ZNF577: variants seen among roughly 807,000 people sequenced by gnomAD.
ZNF577 encodes the protein zinc finger protein 577.
Under a neutral mutation model 13.9 loss-of-function variants are expected in ZNF577, and 14 were observed. That is an observed-to-expected ratio of 1.00 (90% confidence interval 0.66 to 1.57). ZNF577 has a LOEUF of 1.57. Among genes scored for constraint, ZNF577 ranks in the 40% most tolerant of loss-of-function variants. ZNF577 has a pLI of 0.00. For missense variants in ZNF577, 555 were observed against 579.2 expected (o/e 0.96, Z 0.43); for synonymous variants, 203 against 202.9 (o/e 1.00, Z 0.00).
chr19:51,855,232 T>C (rs2084405797), intron 5 of ZNF577, among the ~76,000 whole-genome samples: 1 of 152,210 alleles, frequency 6.6e-6, no homozygotes, highest in Non-Finnish European at 1.5e-5. Context: ...TTGCAGTTTG[T>C]TCAGTGGCAT....
chr19:51,815,567 TA>T (rs71180419), intron 9 of ZNF577, among the ~76,000 whole-genome samples: 4 of 143,928 alleles, frequency 2.8e-5, no homozygotes, highest in Non-Finnish European at 3.0e-5. Context: ...AGACTCTGTC[TA>T]AAAAAAAAAA....
intron 1 of ZNF577, chr19:51,886,221 C>T (rs1456775266): frequency 6.6e-6 from 1 of 151,822 alleles, no homozygotes; most frequent in African/African-American, 2.4e-5. Flanking sequence ...CTTAAGAGAC[C>T]AATTTCTCTT....
At chr19:51,825,427 A>G (rs1206910146) in intron 9 of ZNF577, 2 of 166,762 alleles carry the variant, frequency 1.2e-5, no homozygotes, top group African/African-American at 2.4e-5. Context: ...AGTGTATAGG[A>G]TGGGATCCTC....
At chr19:51,860,829 A>C (rs2084489949) in intron 5 of ZNF577, 1 of 326,594 alleles carries the variant, frequency 3.1e-6, no homozygotes, top group South Asian at 2.4e-5. Flanking sequence ...TCACAATCAC[A>C]TTCACTGTAT....
At chr19:51,864,722 G>A (rs2122618856), downstream of ZNF577, among the ~76,000 whole-genome samples, 1 of 152,284 alleles carries the variant, frequency 6.6e-6, no homozygotes, top group African/African-American at 2.4e-5. Flanking sequence ...AAATGTAGGA[G>A]GATAAGGAAA....
chr19:51,807,338 G>A (rs959436179), intron 10 of ZNF577, among the ~76,000 whole-genome samples: 1 of 152,186 alleles, frequency 6.6e-6, no homozygotes, highest in Admixed American at 6.5e-5. Context: ...AAGGAGCCAG[G>A]GAGTGAGGCC....
intron 9 of ZNF577, among the ~76,000 whole-genome samples, chr19:51,834,539 A>G (rs952762055): frequency 3.3e-5 from 5 of 152,226 alleles, no homozygotes; most frequent in Non-Finnish European, 7.3e-5. Context: ...TAACTAGCAA[A>G]TGCCCAAATC....
At chr19:51,809,440 T>C (rs2084082777) in intron 10 of ZNF577, among the ~76,000 whole-genome samples, 2 of 152,210 alleles carry the variant, frequency 1.3e-5, no homozygotes, top group African/African-American at 4.8e-5. Flanking sequence ...GTAGGTCTAT[T>C]AGAGGCTATG....
chr19:51,842,011 A>G lies in ZNF577; in HGVS notation c.*374+810T>C, dbSNP rs957632902. Among the ~76,000 whole-genome samples the G allele has an allele frequency of 2.6e-5, 4 of 152,256 alleles. No individual in the cohort carries two copies. In the South Asian group the frequency reaches 6.2e-4, roughly 24 times the overall value. On this transcript the variant is annotated intron_variant and NMD_transcript_variant, in intron 8 of 10. Transcript: ENST00000638827. ...ACACAGTGTAAGTCTGAGACATTCA[A>G]TAAAAGAAATATATAATAGGCTTGA...
In ZNF577 at chr19:51,878,582, G is replaced by A; in HGVS notation, c.61-67C>T. On this transcript the variant is annotated intron_variant, in intron 3 of 5. Transcript: ENST00000638348. ...AGATGATGCGGAGAAGAGGGACGGG[G>A]ACATGTCTTGATCCTTTTCTCCATG... is the stretch of plus-strand genomic sequence containing the variant. The A allele has an allele frequency of 1.9e-6, 3 of 1,580,462 alleles. No individual in the cohort carries two copies. The South Asian group carries it at 3.4e-5, about 18-fold the overall frequency.
intron 9 of ZNF577, among the ~76,000 whole-genome samples, chr19:51,837,244 ATCACCTAT>A (rs1167198765): frequency 1.8e-5 from 2 of 111,388 alleles, no homozygotes; most frequent in Non-Finnish European, 3.8e-5. Flanking sequence ...CTATGTTGCT[ATCACCTAT>A]GTTGATGCCA....
intron 10 of ZNF577, among the ~76,000 whole-genome samples, chr19:51,806,766 C>T (rs1479611572): frequency 6.6e-6 from 1 of 152,208 alleles, no homozygotes. Context: ...GCTGTCTCAC[C>T]TGTTTGGCAT....
At position 51,857,353 on chromosome 19, in the gene ZNF577, A is replaced by G. The variant is rs1468512949; in HGVS notation, c.284-12422T>C. On this transcript the variant is annotated intron_variant and NMD_transcript_variant, in intron 5 of 10. Transcript: ENST00000638827. ...AGAAAGGAGAGAAAGAAAGAGAGAA[A>G]GAAAGAAGGAAGGAAAGAAAGAAAG... Among the ~76,000 whole-genome samples, 66 of 114,436 alleles carry G rather than the reference A, an allele frequency of 5.8e-4. 1 individual carries two copies. The highest frequency in any genetic ancestry group is 2.5e-3 in the African/African-American group (63 of 24,814). 75.1% of individuals were successfully genotyped at this position (114,436 alleles called of 152,430 possible).
chr19:51,871,442 G>C lies in ZNF577; in HGVS notation c.*1090C>G, dbSNP rs1024639049. ...AGGTAGGTTAATTTATATAATTTCA[G>C]AATAGATACAAATTTACGTTTAGCA... On this transcript the variant is annotated 3_prime_UTR_variant, in exon 6 of 6. Coordinates refer to ENST00000638348, the MANE Select transcript of ZNF577 (RefSeq NM_001370449.1). 2 of 151,982 alleles carry C rather than the reference G, an allele frequency of 1.3e-5. No individual in the cohort carries two copies. Among genetic ancestry groups the C allele is most frequent in the Non-Finnish European group, 2.9e-5 (2 of 68,004 alleles). The allele number at this position is 151,982 out of a possible 1,614,324, so 9.4% of individuals were successfully genotyped here. A position where few individuals can be genotyped will look rare whatever the true frequency, so the allele number is the denominator to read the frequency against.
chr19:51,804,449 T>C (rs908251624), downstream of ZNF577, among the ~76,000 whole-genome samples: 1 of 152,196 alleles, frequency 6.6e-6, no homozygotes, highest in South Asian at 2.1e-4. Context: ...AGGTGAATTA[T>C]GTACATTTAA....
At chr19:51,850,008 C>A (rs1459706926) in intron 5 of ZNF577, among the ~76,000 whole-genome samples, 1 of 152,118 alleles carries the variant, frequency 6.6e-6, no homozygotes, top group Non-Finnish European at 1.5e-5. Context: ...ATGGAAAAGA[C>A]AAAATTAGAC....
At chr19:51,810,081 G>A (rs551617039) in intron 10 of ZNF577, among the ~76,000 whole-genome samples, 14 of 152,252 alleles carry the variant, frequency 9.2e-5, no homozygotes, top group East Asian at 1.9e-4. Context: ...GAGATCTGGC[G>A]GCATTCCTTT....
intron 4 of ZNF577, 27 bp from the exon 5 acceptor site, chr19:51,877,404 T>A (rs1486233646): frequency 2.5e-6 from 4 of 1,579,666 alleles, no homozygotes; most frequent in Non-Finnish European, 2.6e-6. Context: ...ACTGAACACT[T>A]GGCACGTGTG....
rs769430689 is a variant in ZNF577 at position 51,873,244 on chromosome 19, T to C, written c.746A>G (p.Lys249Arg). Reference protein sequence around the residue: ...EKPYRCSKCGKAFSRKCRLNR... With the variant: ...EKPYRCSKCGRAFSRKCRLNR... ...GAGCCGGCACTTCCGGCTGAAGGCT[T>C]TTCCGCATTTGCTGCATCTGTAGGG... Residue 249 changes from lysine (K) to arginine (R), a missense_variant, in exon 6 of 6, where the codon AAA becomes AGA. Lys to Arg is a conservative substitution (Grantham distance 26). Transcript: ENST00000638348. 6.2e-7 allele frequency: 1 copy of C among 1,613,110 alleles called. No individual in the cohort carries two copies. The highest frequency in any genetic ancestry group is 1.7e-5 in the Admixed American group (1 of 59,984).
Sources: gnomAD v4.1 joint callset for allele counts (sites outside exome capture counted in the v4.1 genomes callset) on GRCh38, gnomAD v4.1.1 for gene constraint, MANE v1.5 for transcripts, NCBI Gene and HGNC (gene_info 2026-07-23, HGNC 2026-07-21) for gene names.